SLC2A14: variants seen among roughly 807,000 people sequenced by gnomAD.
SLC2A14 encodes the protein solute carrier family 2 member 14.
Under a neutral mutation model 43.0 loss-of-function variants are expected in SLC2A14, and 13 were observed. The ratio of observed to expected loss-of-function variants is 0.30; its 90% confidence interval spans 0.20 to 0.48. The LOEUF is 0.48. Ranked by LOEUF, SLC2A14 falls within the 20% of genes least tolerant of loss-of-function variation. The pLI is 0.99. For synonymous variants in SLC2A14, 190 were observed against 233.8 expected, an observed-to-expected ratio of 0.81 and a Z score of 1.71; for missense variants, 428 against 620.4, an observed-to-expected ratio of 0.69 and a Z score of 3.29.
At chr12:7,889,310 T>G (rs1371969614) in intron 1 of SLC2A14, among the ~76,000 whole-genome samples, 7 of 146,220 alleles carry the variant, frequency 4.8e-5, no homozygotes, top group Non-Finnish European at 6.0e-5. Flanking sequence ...CTCAGCTCAC[T>G]CCAACCTCTG....
At chr12:7,833,781 C>CAA (rs35210860) in intron 2 of SLC2A14, among the ~76,000 whole-genome samples, 131 of 105,982 alleles carry the variant, frequency 1.2e-3, no homozygotes, top group African/African-American at 4.0e-3. Flanking sequence ...GACTCTGTCT[C>CAA]AAAAAAAAAA....
intron 7 of SLC2A14, among the ~76,000 whole-genome samples, chr12:7,826,854 CT>C (rs1293572702): frequency 0.083 from 668 of 8,080 alleles, 72 homozygotes; most frequent in Admixed American, 0.17. Context: ...TCCTTCCTTC[CT>C]TTCTTTTTTC....
At chr12:7,885,378 T>C (rs2121120413) in intron 1 of SLC2A14, among the ~76,000 whole-genome samples, 1 of 152,074 alleles carries the variant, frequency 6.6e-6, no homozygotes, top group South Asian at 2.1e-4. Context: ...GGCGGGAGAA[T>C]CGCTTGAATC....
intron 7 of SLC2A14, among the ~76,000 whole-genome samples, chr12:7,824,986 T>C (rs11055978): frequency 0.98 from 149,736 of 152,066 alleles, 73,752 homozygotes; most frequent in East Asian, 1. Context: ...TGAGCCACTG[T>C]CCCCGGCCCA....
intron 1 of SLC2A14, among the ~76,000 whole-genome samples, chr12:7,888,132 T>G (rs1030515458): frequency 2.0e-5 from 3 of 152,078 alleles, no homozygotes; most frequent in Admixed American, 6.6e-5. Context: ...GCTTTAACAT[T>G]ACCTCCTTAA....
upstream of SLC2A14, among the ~76,000 whole-genome samples, chr12:7,875,899 C>T (rs1448556330): frequency 6.6e-6 from 1 of 151,994 alleles, no homozygotes; most frequent in Admixed American, 6.6e-5. Context: ...TCTCTTGAAC[C>T]CAGGAGGTGG....
At chr12:7,888,521 C>T (rs377200276) in intron 1 of SLC2A14, among the ~76,000 whole-genome samples, 2 of 151,956 alleles carry the variant, frequency 1.3e-5, no homozygotes, top group Admixed American at 6.6e-5. Flanking sequence ...TTGGACTGGC[C>T]GGGTGCAGTG....
chr12:7,884,624 T>C (rs1945657140), intron 1 of SLC2A14, among the ~76,000 whole-genome samples: 1 of 152,158 alleles, frequency 6.6e-6, no homozygotes, highest in Non-Finnish European at 1.5e-5. Flanking sequence ...TCATAGGTGC[T>C]GGACTTCTCT....
chr12:7,815,364 C>T (rs1431022471), intron 10 of SLC2A14, among the ~76,000 whole-genome samples: 3 of 151,994 alleles, frequency 2.0e-5, no homozygotes, highest in Non-Finnish European at 2.9e-5. Context: ...TGCAGTGAGC[C>T]GAGAGTGAGC....
chr12:7,882,946 C>T (rs767504385), intron 1 of SLC2A14, among the ~76,000 whole-genome samples: 11 of 151,738 alleles, frequency 7.2e-5, no homozygotes, highest in South Asian at 2.1e-4. Context: ...TGTGGTGGCT[C>T]GTGCCTGTAA....
At chr12:7,874,840 C>CATATATAAATAT (rs1565584827), upstream of SLC2A14, among the ~76,000 whole-genome samples, 24 of 75,434 alleles carry the variant, frequency 3.2e-4, 1 homozygote, top group South Asian at 1.3e-3. Context: ...TATATAAATA[C>CATATATAAATAT]GTATTTATAT....
chr12:7,889,140 C>T lies in SLC2A14; in HGVS notation c.132+1856G>A, dbSNP rs1592339687. 3.3e-5 allele frequency among the ~76,000 whole-genome samples: 5 copies of T among 150,656 alleles called. No individual in the cohort carries two copies. The South Asian group carries it at 1.0e-3, about 32-fold the overall frequency. Reference sequence around the variant, plus strand: ...CAAGAAATAATTCAGGGCAAGTCCACAAGGCAAAGTGAAAGCAACTTTATT... The same window carrying T: ...CAAGAAATAATTCAGGGCAAGTCCATAAGGCAAAGTGAAAGCAACTTTATT... On this transcript the variant is annotated intron_variant, in intron 1 of 9. Transcript: ENST00000539924.
rs1168840194 is a variant in SLC2A14, at chr12:7,813,685, A to G, written c.*631T>C. On this transcript the variant is annotated 3_prime_UTR_variant, in exon 11 of 11. Transcript: ENST00000431042. ...AATAATGAACAACATTTCTCCCTGA[A>G]TTCTTATTGCACCTTAACCTCTCCA... The G allele has an allele frequency of 1.3e-5, 2 of 153,182 alleles. No individual in the cohort carries two copies. Among genetic ancestry groups the G allele is most frequent in the African/African-American group, 4.8e-5 (2 of 41,448 alleles). 9.5% of individuals were successfully genotyped at this position (153,182 alleles called of 1,614,324 possible).
intron 2 of SLC2A14, among the ~76,000 whole-genome samples, chr12:7,843,276 G>A (rs1023614195): frequency 6.7e-6 from 1 of 149,920 alleles, no homozygotes; most frequent in African/African-American, 2.5e-5. Context: ...TAGAAAGCCG[G>A]TGGGAAAACA....
intron 5 of SLC2A14, 109 bp downstream of exon 5, chr12:7,829,657 C>A: frequency 1.4e-6 from 2 of 1,452,086 alleles, no homozygotes; most frequent in Non-Finnish European, 1.9e-6. Flanking sequence ...TCTAAAACTT[C>A]CATATGTAAT....
intron 4 of SLC2A14, chr12:7,831,124 C>CAAA (rs60468169): frequency 5.2e-4 from 62 of 120,354 alleles, no homozygotes; most frequent in African/African-American, 7.5e-4. Context: ...GACTCCATCT[C>CAAA]AAAAAAAAAA....
chr12:7,882,564 G>A (rs1292758077), intron 1 of SLC2A14, among the ~76,000 whole-genome samples: 1 of 152,066 alleles, frequency 6.6e-6, no homozygotes, highest in Non-Finnish European at 1.5e-5. Context: ...CGTCGGCAGT[G>A]GCTCACACTT....
chr12:7,870,724 TA>T, intron 1 of SLC2A14: 2 of 434,758 alleles, frequency 4.6e-6, no homozygotes, highest in Non-Finnish European at 6.6e-6. Flanking sequence ...AAAAAACAAA[TA>T]AAGTCAAACC....
chr12:7,845,677 G>T (rs1048975285), intron 2 of SLC2A14, among the ~76,000 whole-genome samples: 2 of 151,338 alleles, frequency 1.3e-5, no homozygotes, highest in African/African-American at 4.9e-5. Flanking sequence ...TACTTGGGAG[G>T]CTGAGGCAGG....
Sources: allele counts gnomAD v4.1 joint callset (sites outside exome capture counted in the v4.1 genomes callset), GRCh38; gene constraint gnomAD v4.1.1; transcripts MANE v1.5; gene names NCBI Gene and HGNC (gene_info 2026-07-23, HGNC 2026-07-21).